The following UTRN variants were observed in gnomAD, a reference collection of about 807,000 sequenced individuals.
UTRN encodes the protein utrophin, also known as dystrophin-related protein 1.
UTRN carries 283 observed loss-of-function variants against 463.9 expected under a neutral mutation model. The ratio of observed to expected loss-of-function variants is 0.61; its 90% CI spans 0.55 to 0.67. The LOEUF (loss-of-function observed/expected upper bound fraction) is 0.67, where lower values mean the gene tolerates loss of function less well. Ranked by LOEUF, UTRN falls within the 30% of genes least tolerant of loss-of-function variation. UTRN has a pLI of 0.00. For synonymous variants in UTRN, 1,442 were observed against 1,431.5 expected (o/e 1.01, Z -0.17); for missense variants, 3,922 against 4,084.3 (o/e 0.96, Z 1.08).
intron 51 of UTRN, among the ~76,000 whole-genome samples, chr6:144,590,575 T>G (rs1016538849): frequency 6.6e-6 from 1 of 152,176 alleles, no homozygotes; most frequent in Admixed American, 6.5e-5. Context: ...GAACATGTAT[T>G]GAATGGCTGT....
intron 2 of UTRN, among the ~76,000 whole-genome samples, chr6:144,400,365 G>T (rs1465072812): frequency 6.6e-6 from 1 of 152,254 alleles, no homozygotes; most frequent in Admixed American, 6.5e-5. Context: ...TGGAAGTTCT[G>T]TATAAATTTC....
chr6:144,587,623 C>T (rs1414719441), intron 51 of UTRN, among the ~76,000 whole-genome samples: 2 of 152,066 alleles, frequency 1.3e-5, no homozygotes, highest in Non-Finnish European at 2.9e-5. Context: ...GGTGTATTTT[C>T]GACCGGTTGA....
intron 53 of UTRN, among the ~76,000 whole-genome samples, chr6:144,705,109 C>T (rs1289962534): frequency 6.6e-6 from 1 of 152,080 alleles, no homozygotes; most frequent in Non-Finnish European, 1.5e-5. Flanking sequence ...AGATAATCTA[C>T]TGTGAATTGT....
At chr6:144,616,758 T>C (rs1373038523) in intron 51 of UTRN, among the ~76,000 whole-genome samples, 1 of 152,158 alleles carries the variant, frequency 6.6e-6, no homozygotes, top group Non-Finnish European at 1.5e-5. Flanking sequence ...TTATGCCCAC[T>C]GGCTCATTGT....
intron 52 of UTRN, among the ~76,000 whole-genome samples, chr6:144,692,534 C>T (rs1354830503): frequency 1.3e-5 from 2 of 152,168 alleles, no homozygotes; most frequent in Admixed American, 6.5e-5. Flanking sequence ...TCCTTTTTCT[C>T]CTCAACCTTG....
Position 144,523,070 on chromosome 6 carries a change from A to G in UTRN, c.5788A>G (p.Lys1930Glu), listed in dbSNP as rs755160920. The G allele has an allele frequency of 3.7e-6, 6 of 1,613,272 alleles. 1 individual carries two copies. The South Asian group carries it at 4.4e-5, about 12-fold the overall frequency. ...AGAGCAGATTGCAGTCATTCATGAA[A>G]AACAGCCAGATGTCATCCTTGAAGC... is the stretch of plus-strand genomic sequence containing the variant. ...LGEQIAVIHEKQPDVILEASG... is the reference protein window; with the variant it reads ...LGEQIAVIHEEQPDVILEASG... Residue 1930 changes from lysine to glutamate, a missense_variant, in exon 41 of 75, where the codon AAA becomes GAA. Lys to Glu is a moderately conservative substitution (Grantham distance 56, BLOSUM62 1). Around this residue, in one of 3 missense-constraint regions of UTRN, gnomAD observed 2,349 missense variants for 2,303.8 expected, o/e 1.02. Coordinates refer to ENST00000367545, the MANE Select transcript of UTRN (RefSeq NM_007124.3).
chr6:144,849,157 T>C (rs1163064057), intron 74 of UTRN, among the ~76,000 whole-genome samples: 2 of 152,018 alleles, frequency 1.3e-5, no homozygotes, highest in African/African-American at 4.8e-5. Context: ...ACATGACCTA[T>C]AGGACAGGTT....
At chr6:144,667,164 C>T (rs144909296) in intron 51 of UTRN, among the ~76,000 whole-genome samples, 2,349 of 152,196 alleles carry the variant, frequency 0.015, 38 homozygotes, top group Non-Finnish European at 0.02. Context: ...AAGTGATTCT[C>T]CTGCCTCAGC....
chr6:144,382,182 C>A (rs762412471), intron 2 of UTRN, among the ~76,000 whole-genome samples: 1 of 152,062 alleles, frequency 6.6e-6, no homozygotes, highest in Non-Finnish European at 1.5e-5. Context: ...TAAGCTACAG[C>A]GATGTTCTTA....
chr6:144,795,729 T>C (rs567632166), intron 63 of UTRN, among the ~76,000 whole-genome samples: 7 of 152,352 alleles, frequency 4.6e-5, no homozygotes, highest in Non-Finnish European at 8.8e-5. Flanking sequence ...TTTATTTTTT[T>C]CTTGTAAATT....
intron 51 of UTRN, among the ~76,000 whole-genome samples, chr6:144,585,066 T>G (rs1294165926): frequency 6.6e-6 from 1 of 152,054 alleles, no homozygotes; most frequent in Non-Finnish European, 1.5e-5. Context: ...TTTTCTAAAG[T>G]CGAAGGTATT....
intron 35 of UTRN, among the ~76,000 whole-genome samples, chr6:144,511,814 T>C (rs559793220): frequency 3.8e-4 from 58 of 152,328 alleles, no homozygotes; most frequent in African/African-American, 1.3e-3. Context: ...TATGGTTTTA[T>C]GTTCCTATGA....
intron 1 of UTRN, among the ~76,000 whole-genome samples, chr6:144,288,345 C>T (rs1285964552): frequency 6.6e-6 from 1 of 152,148 alleles, no homozygotes; most frequent in Non-Finnish European, 1.5e-5. Flanking sequence ...AGTGTGTAAA[C>T]AGTTGACTTT....
chr6:144,466,677 A>G (rs910883734), intron 23 of UTRN, among the ~76,000 whole-genome samples: 2 of 152,216 alleles, frequency 1.3e-5, no homozygotes, highest in African/African-American at 4.8e-5. Context: ...ATAACATATT[A>G]TAAAATCCTA....
intron 53 of UTRN, among the ~76,000 whole-genome samples, chr6:144,712,165 G>A (rs929457255): frequency 8.5e-5 from 13 of 152,170 alleles, no homozygotes; most frequent in African/African-American, 3.1e-4. Flanking sequence ...GCCAGTCTGT[G>A]TTGACTTACT....
chr6:144,494,324 T>G (rs1465582842), intron 33 of UTRN, among the ~76,000 whole-genome samples: 1 of 152,052 alleles, frequency 6.6e-6, no homozygotes, highest in African/African-American at 2.4e-5. Flanking sequence ...TTGCAGTGAG[T>G]GTTACAGCTC....
rs12662838 is a variant in UTRN at position 144,704,290 on chromosome 6, T to A, written c.7809+4047T>A. Among the ~76,000 whole-genome samples the A allele has an allele frequency of 4.9e-4, 75 of 152,344 alleles. No individual in the cohort carries two copies. The East Asian group carries it at 0.014, about 28-fold the overall frequency. On this transcript the variant is annotated intron_variant, in intron 53 of 74. Coordinates refer to ENST00000367545, the MANE Select transcript of UTRN (RefSeq NM_007124.3). ...AGCCACCTTTTTCACCCTATCTTTT[T>A]CTTTAGCTGCCTTCCAAAAATGGAC...
intron 23 of UTRN, among the ~76,000 whole-genome samples, chr6:144,464,893 C>T (rs903203535): frequency 1.3e-5 from 2 of 152,138 alleles, no homozygotes; most frequent in Non-Finnish European, 2.9e-5. Context: ...TTCTATAATT[C>T]TAAAGTTTTT....
At chr6:144,598,351 T>C (rs534365516) in intron 51 of UTRN, among the ~76,000 whole-genome samples, 1 of 152,228 alleles carries the variant, frequency 6.6e-6, no homozygotes, top group South Asian at 2.1e-4. Context: ...GTTGAAAGAG[T>C]TCATCTAAAG....
Sources: gnomAD v4.1 joint callset for allele counts (sites outside exome capture counted in the v4.1 genomes callset) on GRCh38, gnomAD v4.1.1 for gene constraint, gnomAD v4.1.1 regional missense constraint, MANE v1.5 for transcripts, NCBI Gene and HGNC (gene_info 2026-07-23, HGNC 2026-07-21) for gene names.